The following MECR variants were observed in gnomAD, a reference collection of about 807,000 sequenced individuals.
MECR encodes mitochondrial trans-2-enoyl-CoA reductase.
In MECR, 37 loss-of-function variants were observed where a neutral mutation model predicts 49.1. That is an observed-to-expected ratio of 0.75 (90% CI 0.58 to 0.99). MECR has a LOEUF of 0.99. Ranked by LOEUF, MECR falls within the 50% of genes least tolerant of loss-of-function variation. MECR has a pLI of 0.00. For synonymous variants in MECR, 198 were observed against 191.1 expected (o/e 1.04, Z -0.30); for missense variants, 470 against 479.6 (o/e 0.98, Z 0.19).
At chr1:29,197,373 A>G (rs1279829968) in intron 7 of MECR, among the ~76,000 whole-genome samples, 1 of 152,218 alleles carries the variant, frequency 6.6e-6, no homozygotes, top group African/African-American at 2.4e-5. Flanking sequence ...TGGACGGTGC[A>G]GGGAACAATG....
In MECR at chr1:29,193,950, C is replaced by T; in HGVS notation, c.*72G>A. On this transcript the variant is annotated 3_prime_UTR_variant, in exon 10 of 10. Coordinates refer to ENST00000263702, the MANE Select transcript of MECR (RefSeq NM_016011.5). ...AGTAGTCTGGGGAAGGTGGGAGCCC[C>T]AACTGAGGGGCCTGCACCCAGCCCC... 6.4e-7 allele frequency: 1 copy of T among 1,573,360 alleles called. No homozygotes were observed. Among genetic ancestry groups the T allele is most frequent in the Non-Finnish European group, 8.7e-7 (1 of 1,154,486 alleles).
intron 3 of MECR, among the ~76,000 whole-genome samples, chr1:29,207,910 A>C (rs1227184710): frequency 1.3e-5 from 2 of 152,098 alleles, no homozygotes; most frequent in Non-Finnish European, 2.9e-5. Context: ...CAGTAGTAAC[A>C]TTACCACCAG....
rs6674267 is a variant in MECR, at chr1:29,200,803, T to C, written c.757-214A>G. Among the ~76,000 whole-genome samples the C allele has an allele frequency of 5.1e-3, 775 of 152,240 alleles. 8 individuals carry two copies. Among genetic ancestry groups the C allele is most frequent in the African/African-American group, 0.018 (740 of 41,534 alleles). On this transcript the variant is annotated intron_variant, in intron 6 of 9. Coordinates refer to ENST00000263702, the MANE Select transcript of MECR (RefSeq NM_016011.5). ...TCTTTTCTTTCTTTTTTCTTTTTCT[T>C]TCTAAGACAGGGTCTCGCTCTGTTA... is the stretch of plus-strand genomic sequence containing the variant.
chr1:29,180,641 G>A, the MECR span, among the ~76,000 whole-genome samples: 7 of 152,128 alleles, frequency 4.6e-5, no homozygotes, highest in African/African-American at 1.7e-4. Context: ...AACACCCAAG[G>A]TTTAGTGCCC....
chr1:29,205,054 G>C (rs1676246052), intron 4 of MECR, among the ~76,000 whole-genome samples: 1 of 152,156 alleles, frequency 6.6e-6, no homozygotes, highest in Non-Finnish European at 1.5e-5. Context: ...GGATGTGCAT[G>C]GATGTGCATG....
chr1:29,210,202 TG>T (rs1012624234), intron 3 of MECR, among the ~76,000 whole-genome samples: 2 of 151,976 alleles, frequency 1.3e-5, no homozygotes, highest in African/African-American at 4.8e-5. Context: ...TTAGTAGAGA[TG>T]GGGTTTCACT....
At chr1:29,223,004 A>T in intron 1 of MECR, 2 of 782,902 alleles carry the variant, frequency 2.6e-6, no homozygotes, top group Non-Finnish European at 3.1e-6. Flanking sequence ...CCTCTAGTGT[A>T]ATGATAGCAA....
intron 9 of MECR, among the ~76,000 whole-genome samples, 196 bp from the exon 10 acceptor site, chr1:29,194,375 G>A (rs1673461886): frequency 6.6e-6 from 1 of 152,210 alleles, no homozygotes; most frequent in African/African-American, 2.4e-5. Context: ...GTCAAGGTGG[G>A]GAGAGGGGAA....
At chr1:29,172,634 C>T in the MECR span, 1 of 152,204 alleles carries the variant, frequency 6.6e-6, no homozygotes, top group African/African-American at 2.4e-5. Context: ...AAGTGCCCAT[C>T]ACACGGGCAT....
Position 29,201,983 on chromosome 1 carries a change from T to A in MECR, c.716A>T (p.Glu239Val). 6.2e-7 allele frequency: 1 copy of A among 1,614,202 alleles called. No homozygotes were observed. Residue 239 changes from glutamate (E) to valine (V), a missense_variant, in exon 6 of 10, where the codon GAA becomes GTA. Transcript: ENST00000263702. The surrounding 1 kb of genome is among the most constrained non-coding windows in gnomAD (Gnocchi z 4.3). ...CATTTCGGGCCTTCTTAGCTCCTCT[T>A]CTGTGATGACATGCTCAGCCCCCAG... ...KSLGAEHVITEEELRRPEMKN... is the reference protein window; with the variant it reads ...KSLGAEHVITVEELRRPEMKN...
At chr1:29,181,588 T>A in the MECR span, 1 of 1,414,368 alleles carries the variant, frequency 7.1e-7, no homozygotes, top group Non-Finnish European at 9.6e-7. Flanking sequence ...CCCCGCGGCC[T>A]CCCCACCACC....
chr1:29,226,268 G>A (rs924751340), intron 1 of MECR, among the ~76,000 whole-genome samples: 1 of 151,588 alleles, frequency 6.6e-6, no homozygotes, highest in Non-Finnish European at 1.5e-5. Flanking sequence ...GCAGGCAGGT[G>A]AGAAAGCCAA....
chr1:29,215,763 T>C (rs184142571), intron 3 of MECR, among the ~76,000 whole-genome samples: 211 of 150,226 alleles, frequency 1.4e-3, no homozygotes, highest in African/African-American at 4.8e-3. Context: ...CCCAGCTACT[T>C]GGGAGGCTGA....
chr1:29,189,101 G>A (rs781484956), downstream of MECR, among the ~76,000 whole-genome samples: 1 of 151,902 alleles, frequency 6.6e-6, no homozygotes, highest in East Asian at 1.9e-4. Flanking sequence ...CACCACTCCC[G>A]GCTAATTTTT....
the MECR span, chr1:29,181,530 T>A: frequency 2.2e-6 from 2 of 899,660 alleles, no homozygotes; most frequent in Non-Finnish European, 3.2e-6. Flanking sequence ...TGGCGGAGCC[T>A]GGCCAGGCCG....
intron 1 of MECR, chr1:29,216,910 G>A (rs1574449086): frequency 8.0e-6 from 8 of 1,002,336 alleles, no homozygotes; most frequent in South Asian, 1.9e-5. Context: ...CGAGACAGGC[G>A]GATAACCTGA....
the MECR span, among the ~76,000 whole-genome samples, chr1:29,185,302 A>G: frequency 6.6e-6 from 1 of 152,026 alleles, no homozygotes; most frequent in African/African-American, 2.4e-5. Context: ...AGGCTGGAAT[A>G]CAGTGGCATG....
chr1:29,227,118 T>TG (rs1198577968), intron 1 of MECR, among the ~76,000 whole-genome samples: 3 of 152,002 alleles, frequency 2.0e-5, no homozygotes, highest in Non-Finnish European at 4.4e-5. Flanking sequence ...CATGCACCAC[T>TG]GTGCCCGACT....
chr1:29,206,795 T>C lies in MECR; in HGVS notation c.517A>G (p.Arg173Gly), dbSNP rs1311423031. ...AGTTGCTCGAAGTCCATCAACATCC[T>C]GTAGGCTGTGCAGGGATTGACACCC... is the stretch of plus-strand genomic sequence containing the variant. ...TLGVNPCTAYRMLMDFEQLQP... is the reference protein window; with the variant it reads ...TLGVNPCTAYGMLMDFEQLQP... Residue 173 changes from arginine (R) to glycine (G), a missense_variant, in exon 4 of 10, where the codon AGG (arginine) becomes GGG (glycine). Arg to Gly is a moderately radical substitution (Grantham distance 125). Coordinates refer to ENST00000263702, the MANE Select transcript of MECR (RefSeq NM_016011.5). 1 of 1,614,060 alleles carries C rather than the reference T, an allele frequency of 6.2e-7. No homozygotes were observed. The highest frequency in any genetic ancestry group is 1.3e-5 in the African/African-American group (1 of 74,924).
Sources: gnomAD v4.1 joint callset for allele counts (sites outside exome capture counted in the v4.1 genomes callset) on GRCh38, gnomAD v4.1.1 for gene constraint, Gnocchi (gnomAD v3.1) non-coding constraint, MANE v1.5 for transcripts, NCBI Gene and HGNC (gene_info 2026-07-23, HGNC 2026-07-21) for gene names.